SPMIP2: variants seen among roughly 807,000 people sequenced by gnomAD.
The protein encoded by SPMIP2 is protein SPMIP2.
the SPMIP2 span, among the ~76,000 whole-genome samples, chr4:158,998,853 A>G: frequency 6.6e-6 from 1 of 152,150 alleles, no homozygotes; most frequent in Non-Finnish European, 1.5e-5. Flanking sequence ...CCTCCACTCT[A>G]TAACAATATG....
chr4:158,990,206 T>C, the SPMIP2 span, among the ~76,000 whole-genome samples: 3 of 152,266 alleles, frequency 2.0e-5, no homozygotes, highest in Admixed American at 6.5e-5. Flanking sequence ...TGAATGGCAA[T>C]CATTAAAAAG....
At chr4:158,999,194 ACCC>A in the SPMIP2 span, among the ~76,000 whole-genome samples, 3 of 150,688 alleles carry the variant, frequency 2.0e-5, no homozygotes, top group African/African-American at 7.3e-5. Context: ...ACAAAAAAAA[ACCC>A]AAAAAAACCC....
At chr4:158,912,685 T>A in the SPMIP2 span, among the ~76,000 whole-genome samples, 1 of 152,194 alleles carries the variant, frequency 6.6e-6, no homozygotes, top group African/African-American at 2.4e-5. Flanking sequence ...AGGATTCATG[T>A]AAAAGAGAGG....
chr4:158,913,587 G>A, the SPMIP2 span, among the ~76,000 whole-genome samples: 6 of 152,066 alleles, frequency 3.9e-5, no homozygotes, highest in Non-Finnish European at 7.4e-5. Context: ...TAAATTTCCT[G>A]AATCTTATAA....
the SPMIP2 span, among the ~76,000 whole-genome samples, chr4:159,029,577 TCTAA>T: frequency 1.3e-5 from 2 of 152,198 alleles, no homozygotes; most frequent in Non-Finnish European, 2.9e-5. Flanking sequence ...TAACTTATGC[TCTAA>T]CTATGATACT....
At chr4:158,912,697 G>C in the SPMIP2 span, among the ~76,000 whole-genome samples, 4 of 152,178 alleles carry the variant, frequency 2.6e-5, no homozygotes, top group Non-Finnish European at 5.9e-5. Flanking sequence ...AAAGAGAGGG[G>C]TGTTGAGTAT....
chr4:158,942,621 T>C, the SPMIP2 span, among the ~76,000 whole-genome samples: 1 of 152,022 alleles, frequency 6.6e-6, no homozygotes, highest in Non-Finnish European at 1.5e-5. Context: ...AATTCAAAAA[T>C]TAGCCAGGCA....
At chr4:159,037,768 G>C in the SPMIP2 span, among the ~76,000 whole-genome samples, 1 of 145,046 alleles carries the variant, frequency 6.9e-6, no homozygotes, top group Non-Finnish European at 1.5e-5. Flanking sequence ...GTGAGACCTT[G>C]TCTCAAAAAC....
At chr4:159,053,229 T>C in the SPMIP2 span, among the ~76,000 whole-genome samples, 1 of 152,116 alleles carries the variant, frequency 6.6e-6, no homozygotes, top group African/African-American at 2.4e-5. Flanking sequence ...GTGCTGGGAT[T>C]ACAGGCGTGA....
At chr4:158,995,336 A>T in the SPMIP2 span, among the ~76,000 whole-genome samples, 2 of 152,252 alleles carry the variant, frequency 1.3e-5, no homozygotes, top group African/African-American at 4.8e-5. Context: ...TATTGTGTCA[A>T]CTAGGTAACT....
the SPMIP2 span, chr4:158,905,497 G>A: frequency 6.6e-6 from 1 of 152,090 alleles, no homozygotes; most frequent in Non-Finnish European, 1.5e-5. Flanking sequence ...GTCCTGGTGG[G>A]AAATGAAACC....
the SPMIP2 span, chr4:158,905,922 C>T: frequency 9.2e-5 from 14 of 152,134 alleles, no homozygotes; most frequent in African/African-American, 3.1e-4. Context: ...TGAATTAATT[C>T]CAGTTCTTTT....
the SPMIP2 span, among the ~76,000 whole-genome samples, chr4:158,928,970 AGACGC>A: frequency 6.6e-6 from 1 of 152,200 alleles, no homozygotes; most frequent in East Asian, 1.9e-4. Flanking sequence ...AACAAACTCC[AGACGC>A]GCCACCTTAA....
the SPMIP2 span, among the ~76,000 whole-genome samples, chr4:158,954,236 A>G: frequency 6.6e-6 from 1 of 152,106 alleles, no homozygotes; most frequent in African/African-American, 2.4e-5. Context: ...TCATGGGGGC[A>G]GTTTCCCCTA....
chr4:159,082,465 G>GTGTGTGTGTGTGTGTGTGTGTGTGTA, the SPMIP2 span, among the ~76,000 whole-genome samples: 2 of 149,210 alleles, frequency 1.3e-5, no homozygotes, highest in African/African-American at 4.9e-5. Context: ...GTGTGTGTGT[G>GTGTGTGTGTGTGTGTGTGTGTGTGTA]TGTGTGTGTG....
At chr4:158,938,735 A>G in the SPMIP2 span, among the ~76,000 whole-genome samples, 1 of 152,244 alleles carries the variant, frequency 6.6e-6, no homozygotes, top group Non-Finnish European at 1.5e-5. Context: ...AACATACTGC[A>G]AAAGGTTACT....
chr4:159,042,461 C>G, the SPMIP2 span, among the ~76,000 whole-genome samples: 1 of 152,210 alleles, frequency 6.6e-6, no homozygotes. Flanking sequence ...CTGTTCCATT[C>G]TGTGTATTGC....
the SPMIP2 span, among the ~76,000 whole-genome samples, chr4:159,046,571 T>C: frequency 1.3e-5 from 2 of 152,176 alleles, no homozygotes; most frequent in Non-Finnish European, 2.9e-5. Context: ...GTTTTTTGTT[T>C]GTTTGTTTGT....
At chr4:158,987,852 A>G in the SPMIP2 span, among the ~76,000 whole-genome samples, 25 of 152,242 alleles carry the variant, frequency 1.6e-4, no homozygotes, top group Non-Finnish European at 3.5e-4. Context: ...AAGCAAGAGC[A>G]AACAAATTCA....
Sources: allele counts gnomAD v4.1 joint callset (sites outside exome capture counted in the v4.1 genomes callset), GRCh38; gene constraint gnomAD v4.1.1; transcripts MANE v1.5; gene names NCBI Gene and HGNC (gene_info 2026-07-23, HGNC 2026-07-21).